RAD50: variants seen among roughly 807,000 people sequenced by gnomAD.
RAD50 encodes the protein DNA repair protein RAD50.
Under a neutral mutation model 168.8 loss-of-function variants are expected in RAD50, and 132 were observed. The ratio of observed to expected loss-of-function variants is 0.78; its 90% CI spans 0.68 to 0.90. The LOEUF (loss-of-function observed/expected upper bound fraction) is 0.90. Ranked by LOEUF, RAD50 falls within the 40% of genes least tolerant of loss-of-function variation. The probability of loss-of-function intolerance (pLI) is 0.00; values close to 1 mark genes in which losing one functional copy is unlikely to be tolerated. For synonymous variants in RAD50, 525 were observed against 497.4 expected, an observed-to-expected ratio of 1.06 and a Z score of -0.74; for missense variants, 1,347 against 1,534.4, an observed-to-expected ratio of 0.88 and a Z score of 2.04.
chr5:132,557,205 C>T lies in RAD50; in HGVS notation c.-120C>T, dbSNP rs1328153329. 8.5e-6 allele frequency: 12 copies of T among 1,410,734 alleles called. No homozygotes were observed. The highest frequency in any genetic ancestry group is 5.9e-5 in the South Asian group (5 of 85,102). 87.4% of individuals were successfully genotyped at this position (1,410,734 alleles called of 1,614,324 possible). ...TTGGCAGTCCTGTGGCCTCGCTCCC[C>T]GCCCGGATCCTCCTGACCCTGAGAT... is the stretch of plus-strand genomic sequence containing the variant. On this transcript the variant is annotated 5_prime_UTR_variant, in exon 1 of 25. Coordinates refer to ENST00000378823, the MANE Select transcript of RAD50 (RefSeq NM_005732.4).
chr5:132,571,931 A>G (rs1321452871), intron 2 of RAD50, among the ~76,000 whole-genome samples: 2 of 152,210 alleles, frequency 1.3e-5, no homozygotes, highest in Non-Finnish European at 2.9e-5. Context: ...CAAAATTATC[A>G]GTCATGAAAG....
chr5:132,557,812 GTCCCATACAAGAATTCCTTTAAAAGTTA>G (rs1276645859), intron 1 of RAD50, among the ~76,000 whole-genome samples: 1 of 152,182 alleles, frequency 6.6e-6, no homozygotes, highest in Non-Finnish European at 1.5e-5. Flanking sequence ...CCCAGTAGTT[GTCCCATACAAGAATTCCTTTAAAAGTTA>G]TAAAATGATA....
chr5:132,570,949 G>A (rs776014916), intron 2 of RAD50, among the ~76,000 whole-genome samples: 2 of 152,090 alleles, frequency 1.3e-5, no homozygotes, highest in African/African-American at 2.4e-5. Context: ...AACACTTAGG[G>A]GCTGTTGTAG....
rs1362511475 is a variant in RAD50 at position 132,595,619 on chromosome 5, G to A, written c.2016G>A (p.Gln672=). ...CAGTTTACTCCCAGTTCATTACTCAGCTAACAGACGAAAACCAGTCATGTT... is the reference window on the plus strand; with the variant it reads ...CAGTTTACTCCCAGTTCATTACTCAACTAACAGACGAAAACCAGTCATGTT... The part of the protein sequence containing the change: ...ATAVYSQFIT[Q]LTDENQSCCP... The change falls in exon 13 of 25, where the codon CAG becomes CAA. Residue 672 remains glutamine, a synonymous_variant. Transcript: ENST00000378823. 1.9e-6 allele frequency: 3 copies of A among 1,614,074 alleles called. No homozygotes were observed. Among genetic ancestry groups the A allele is most frequent in the Non-Finnish European group, 1.7e-6 (2 of 1,179,974 alleles).
intron 21 of RAD50, among the ~76,000 whole-genome samples, chr5:132,620,162 C>G (rs1561652011): frequency 6.6e-6 from 1 of 152,144 alleles, no homozygotes; most frequent in Non-Finnish European, 1.5e-5. Flanking sequence ...GTATTGGCCT[C>G]CCAAAGTGCT....
intron 21 of RAD50, among the ~76,000 whole-genome samples, chr5:132,631,728 C>T (rs138318546): frequency 6.6e-6 from 1 of 152,246 alleles, no homozygotes; most frequent in Admixed American, 6.5e-5. Context: ...GGTTCTTGTA[C>T]AGGATCTCAC....
chr5:132,573,892 G>T (rs1750350817), intron 2 of RAD50, among the ~76,000 whole-genome samples: 1 of 152,174 alleles, frequency 6.6e-6, no homozygotes. Context: ...TCACATCCAG[G>T]TCACTCTGAT....
Position 132,557,092 on chromosome 5 carries a change from T to C in RAD50, c.-233T>C. 4.4e-6 allele frequency: 3 copies of C among 679,328 alleles called. No homozygotes were observed. Among genetic ancestry groups the C allele is most frequent in the South Asian group, 3.8e-5 (2 of 53,172 alleles). The allele number at this position is 679,328 out of a possible 1,614,324, so 42.1% of individuals were successfully genotyped here. The stretch of plus-strand genomic sequence containing the variant: ...GCCCCAGGCTGGTCCCCGCCTCCGC[T>C]CTCCCCACCGGCGGGGAAAGCAGCT... On this transcript the variant is annotated 5_prime_UTR_variant, in exon 1 of 25. Transcript: ENST00000378823.
At chr5:132,570,273 G>A (rs951477949) in intron 2 of RAD50, among the ~76,000 whole-genome samples, 1 of 152,220 alleles carries the variant, frequency 6.6e-6, no homozygotes, top group Non-Finnish European at 1.5e-5. Context: ...AGAAAATGGG[G>A]GGGGAAATGG....
In RAD50 at chr5:132,557,016, G is replaced by T. The variant is rs1186226469; in HGVS notation, c.-309G>T. Reference sequence around the variant, plus strand: ...GCGGCCGAGGCAGGAAGCTGTGAGTGCGCGGTTGCGGGGTCGCATTGTGGC... The same window carrying T: ...GCGGCCGAGGCAGGAAGCTGTGAGTTCGCGGTTGCGGGGTCGCATTGTGGC... On this transcript the variant is annotated 5_prime_UTR_variant, in exon 1 of 25. Coordinates refer to ENST00000378823, the MANE Select transcript of RAD50 (RefSeq NM_005732.4). 8.3e-6 allele frequency: 6 copies of T among 720,736 alleles called. No homozygotes were observed. Among genetic ancestry groups the T allele is most frequent in the South Asian group, 3.7e-5 (2 of 53,344 alleles). 44.6% of individuals were successfully genotyped at this position (720,736 alleles called of 1,614,324 possible). A position where few individuals can be genotyped will look rare whatever the true frequency, so the allele number is the denominator to read the frequency against.
chr5:132,605,760 A>G (rs940650852), intron 16 of RAD50, among the ~76,000 whole-genome samples: 2 of 152,176 alleles, frequency 1.3e-5, no homozygotes, highest in Admixed American at 1.3e-4. Flanking sequence ...GCAAAAGAAC[A>G]GAAATCATAA....
At chr5:132,638,880 G>A (rs1421994190) in intron 23 of RAD50, among the ~76,000 whole-genome samples, 7 of 152,198 alleles carry the variant, frequency 4.6e-5, no homozygotes, top group East Asian at 1.9e-4. Flanking sequence ...ATCCTTCACT[G>A]TGCACAGGTT....
chr5:132,627,908 GAA>G (rs1240512268), intron 21 of RAD50, among the ~76,000 whole-genome samples: 6 of 152,228 alleles, frequency 3.9e-5, no homozygotes, highest in Admixed American at 2.0e-4. Context: ...AAAATGGAGA[GAA>G]GTGATAGACT....
chr5:132,587,506 TATCAGCC>T, intron 5 of RAD50, 49 bp from the exon 6 acceptor site: 1 of 1,595,896 alleles, frequency 6.3e-7, no homozygotes, highest in Non-Finnish European at 8.5e-7. Flanking sequence ...TGTCTTCATC[TATCAGCC>T]ATGTAAGCTA....
chr5:132,644,517 AGGGT>A lies in RAD50; in HGVS notation c.*2154_*2157del, dbSNP rs1751808905. 1.1e-5 allele frequency: 2 copies of A among 180,800 alleles called. No individual in the cohort carries two copies. The highest frequency in any genetic ancestry group is 4.7e-5 in the African/African-American group (2 of 42,420). 11.2% of individuals were successfully genotyped at this position (180,800 alleles called of 1,614,324 possible). ...GTGGGTAAAATGGTACATATTTTGT[AGGGT>A]TGTTATGAAGATTGAATGACATTAT... On this transcript the variant is annotated 3_prime_UTR_variant, in exon 25 of 25. Coordinates refer to ENST00000378823, the MANE Select transcript of RAD50 (RefSeq NM_005732.4).
chr5:132,636,280 GCTACTTT>G (rs1175189195), intron 21 of RAD50, among the ~76,000 whole-genome samples: 3 of 152,126 alleles, frequency 2.0e-5, no homozygotes, highest in Non-Finnish European at 4.4e-5. Context: ...GTTTTGACAG[GCTACTTT>G]TGCTTTTACA....
chr5:132,608,169 A>G (rs1417604986), intron 16 of RAD50, among the ~76,000 whole-genome samples: 1 of 152,236 alleles, frequency 6.6e-6, no homozygotes, highest in East Asian at 1.9e-4. Context: ...TGAAAAAGAA[A>G]AGTCTGGACT....
At position 132,557,049 on chromosome 5, in the gene RAD50, T is replaced by C; in HGVS notation, c.-276T>C. Reference sequence around the variant, plus strand: ...GCGGGGTCGCATTGTGGCTACGGCTTTGCGTCCCCGGCGGGCAGCCCCAGG... The same window carrying C: ...GCGGGGTCGCATTGTGGCTACGGCTCTGCGTCCCCGGCGGGCAGCCCCAGG... On this transcript the variant is annotated 5_prime_UTR_variant, in exon 1 of 25. Transcript: ENST00000378823. The C allele has an allele frequency of 1.5e-5, 10 of 650,386 alleles. No individual in the cohort carries two copies. Among genetic ancestry groups the C allele is most frequent in the Non-Finnish European group, 2.5e-5 (10 of 405,152 alleles). 40.3% of individuals were successfully genotyped at this position (650,386 alleles called of 1,614,324 possible).
intron 19 of RAD50, among the ~76,000 whole-genome samples, chr5:132,614,293 T>G (rs889235001): frequency 6.6e-6 from 1 of 152,222 alleles, no homozygotes; most frequent in East Asian, 1.9e-4. Flanking sequence ...GCACATTCCC[T>G]TGTTCCTAAT....
Sources: gnomAD v4.1 joint callset for allele counts (sites outside exome capture counted in the v4.1 genomes callset) on GRCh38, gnomAD v4.1.1 for gene constraint, MANE v1.5 for transcripts, NCBI Gene and HGNC (gene_info 2026-07-23, HGNC 2026-07-21) for gene names.